TENM3: variants seen among roughly 807,000 people sequenced by gnomAD.
TENM3 encodes teneurin transmembrane protein 3.
Under a neutral mutation model 255.1 loss-of-function variants are expected in TENM3, and 63 were observed. The ratio of observed to expected loss-of-function variants is 0.25; its 90% confidence interval spans 0.20 to 0.30. The LOEUF (loss-of-function observed/expected upper bound fraction) is 0.30, where lower values mean the gene tolerates loss of function less well. Ranked by LOEUF, TENM3 falls within the 10% of genes least tolerant of loss-of-function variation. The pLI, the probability that TENM3 is intolerant of heterozygous loss-of-function variation, is 1.00. For missense variants in TENM3, 2,929 were observed against 3,461.1 expected (o/e 0.85, Z 3.86); for synonymous variants, 1,306 against 1,322.3 (o/e 0.99, Z 0.27).
intron 24 of TENM3, among the ~76,000 whole-genome samples, chr4:182,786,703 A>G (rs984663319): frequency 3.9e-5 from 6 of 152,218 alleles, no homozygotes; most frequent in African/African-American, 1.2e-4. Context: ...AGGAGGGTCC[A>G]GGAAGCAGTA....
Position 182,789,209 on chromosome 4 carries a change from G to T in TENM3, c.5421G>T (p.Pro1807=). 6.2e-7 allele frequency: 1 copy of T among 1,613,362 alleles called. No individual in the cohort carries two copies. Residue 1807 remains proline (P), a synonymous_variant, in exon 25 of 28, where the codon CCG becomes CCT. Coordinates refer to ENST00000511685, the MANE Select transcript of TENM3 (RefSeq NM_001080477.4). This position sits in a 1 kb window ranked among gnomAD's most constrained non-coding sequence, Gnocchi z 4.4. ...TCGCCTACGACACGTCTGGGCACCC[G>T]ACTCTCTGGCTGCCAAGCAGCAAGC... The part of the protein sequence containing the change: ...LRIAYDTSGH[P]TLWLPSSKLM...
At chr4:181,839,645 G>A in the TENM3 span, among the ~76,000 whole-genome samples, 1 of 150,528 alleles carries the variant, frequency 6.6e-6, no homozygotes, top group African/African-American at 2.4e-5. Flanking sequence ...TAAAAAAATC[G>A]AATTTTAGAT....
At chr4:182,549,932 A>G (rs1741835006) in intron 3 of TENM3, among the ~76,000 whole-genome samples, 1 of 152,228 alleles carries the variant, frequency 6.6e-6, no homozygotes, top group Admixed American at 6.5e-5. Context: ...TGTTGGGTTC[A>G]TTTAGAAATT....
intron 12 of TENM3, among the ~76,000 whole-genome samples, chr4:182,702,003 G>A (rs1205642710): frequency 2.0e-5 from 3 of 152,210 alleles, no homozygotes. Flanking sequence ...AATAGTTACT[G>A]TAAATACATG....
chr4:181,623,121 A>G, the TENM3 span, among the ~76,000 whole-genome samples: 1 of 152,326 alleles, frequency 6.6e-6, no homozygotes, highest in African/African-American at 2.4e-5. Context: ...TGCCATTTAA[A>G]TCACACAAAG....
At position 182,754,916 on chromosome 4, in the gene TENM3, A is replaced by G. The variant is rs115690439; in HGVS notation, c.4549A>G (p.Thr1517Ala). The G allele has an allele frequency of 1.3e-3, 2,026 of 1,614,054 alleles. 29 individuals carry two copies. The African/African-American group carries it at 0.025, about 20-fold the overall frequency. The change falls in exon 22 of 28, where the codon ACT becomes GCT. Residue 1517 changes from threonine (T) to alanine (A), a missense_variant. Thr to Ala is a moderately conservative substitution (Grantham distance 58, BLOSUM62 0). Transcript: ENST00000511685. This position sits in a 1 kb window ranked among gnomAD's most constrained non-coding sequence, Gnocchi z 5.1. The stretch of plus-strand genomic sequence containing the variant: ...GAACTTCTATGAAGTTGCGTCTCCA[A>G]CTGATCAAGAACTCTACATCTTTGA... The part of the protein sequence containing the change: ...SMNFYEVASP[T>A]DQELYIFDIN...
At chr4:181,531,726 T>C in the TENM3 span, among the ~76,000 whole-genome samples, 2 of 152,148 alleles carry the variant, frequency 1.3e-5, no homozygotes, top group African/African-American at 4.8e-5. Flanking sequence ...GCTGTGGAAA[T>C]ATAAAACGCA....
chr4:181,563,959 T>A, the TENM3 span, among the ~76,000 whole-genome samples: 255 of 152,152 alleles, frequency 1.7e-3, no homozygotes, highest in African/African-American at 5.9e-3. Flanking sequence ...GTATTATAAC[T>A]TCAGTGAGAA....
At chr4:181,451,030 A>G in the TENM3 span, among the ~76,000 whole-genome samples, 1 of 152,250 alleles carries the variant, frequency 6.6e-6, no homozygotes, top group Non-Finnish European at 1.5e-5. Context: ...TGCTATCATC[A>G]CCGTTTGTTC....
chr4:181,477,412 A>T, the TENM3 span, among the ~76,000 whole-genome samples: 1 of 152,086 alleles, frequency 6.6e-6, no homozygotes, highest in African/African-American at 2.4e-5. Flanking sequence ...ACTTTTGTTT[A>T]TTTTGCAGCT....
intron 3 of TENM3, among the ~76,000 whole-genome samples, chr4:182,377,438 C>T (rs1242260414): frequency 6.6e-6 from 1 of 152,056 alleles, no homozygotes; most frequent in East Asian, 1.9e-4. Context: ...CTCAGCCTTG[C>T]GAATAGCTGG....
At chr4:182,680,764 CTGT>C (rs1756109549) in intron 10 of TENM3, 27 bp downstream of exon 10, 1 of 1,459,056 alleles carries the variant, frequency 6.9e-7, no homozygotes, top group African/African-American at 1.4e-5. Context: ...TCACAGAAGT[CTGT>C]TGTTATCTTC....
At chr4:182,538,040 A>C (rs901537727) in intron 3 of TENM3, among the ~76,000 whole-genome samples, 2 of 152,180 alleles carry the variant, frequency 1.3e-5, no homozygotes, top group African/African-American at 4.8e-5. Flanking sequence ...CAGGAGTAAA[A>C]ATGCTCATAG....
chr4:182,398,167 C>T (rs771203351), intron 3 of TENM3, among the ~76,000 whole-genome samples: 22 of 152,218 alleles, frequency 1.4e-4, no homozygotes, highest in Middle Eastern at 3.4e-3. Flanking sequence ...CAGATTGGAT[C>T]GCTCGCGTGG....
chr4:181,454,080 TG>T, the TENM3 span, among the ~76,000 whole-genome samples: 1 of 152,320 alleles, frequency 6.6e-6, no homozygotes, highest in East Asian at 1.9e-4. Context: ...CATTACCTGT[TG>T]CATATTAAGT....
the TENM3 span, among the ~76,000 whole-genome samples, chr4:181,474,978 C>T: frequency 1.3e-5 from 2 of 152,056 alleles, no homozygotes; most frequent in African/African-American, 2.4e-5. Context: ...AATAACTGTG[C>T]AATAAATATC....
intron 1 of TENM3, among the ~76,000 whole-genome samples, chr4:182,174,151 A>C (rs1752292103): frequency 6.6e-6 from 1 of 152,078 alleles, no homozygotes; most frequent in African/African-American, 2.4e-5. Flanking sequence ...CTTGATGACC[A>C]AATTATGTCA....
In TENM3 at chr4:182,799,628, G is replaced by T. The variant is rs779576073; in HGVS notation, c.7377G>T (p.Arg2459=). The T allele has an allele frequency of 1.4e-4, 216 of 1,544,210 alleles. No homozygotes were observed. Among genetic ancestry groups the T allele is most frequent in the Non-Finnish European group, 1.8e-4 (207 of 1,146,560 alleles). ...TCGGAGTCCAGCAGCAAGTGGCGCG[G>T]CAGGCCAAGGCCTTCCTGTCGCTGG... ...PIFGVQQQVA[R]QAKAFLSLGK... Residue 2459 remains arginine (R), a synonymous_variant, in exon 28 of 28, where the codon CGG becomes CGT. Coordinates refer to ENST00000511685, the MANE Select transcript of TENM3 (RefSeq NM_001080477.4). The surrounding 1 kb of genome is among the most constrained non-coding windows in gnomAD (Gnocchi z 4.2).
intron 11 of TENM3, among the ~76,000 whole-genome samples, chr4:182,687,790 G>T (rs1756698726): frequency 6.6e-6 from 1 of 151,560 alleles, no homozygotes; most frequent in Middle Eastern, 3.2e-3. Context: ...ATTAATTTGG[G>T]GATGGGGGTG....
Sources: allele counts gnomAD v4.1 joint callset (sites outside exome capture counted in the v4.1 genomes callset), GRCh38; gene constraint gnomAD v4.1.1; non-coding constraint Gnocchi (gnomAD v3.1); transcripts MANE v1.5; gene names NCBI Gene and HGNC (gene_info 2026-07-23, HGNC 2026-07-21).